The following EHD2 variants were observed in gnomAD, a reference collection of about 807,000 sequenced individuals.
The protein encoded by EHD2 is EH domain-containing protein 2.
In EHD2, 27 loss-of-function variants were observed where a neutral mutation model predicts 41.0. The observed-to-expected ratio is 0.66, with a 90% CI of 0.49 to 0.91. The LOEUF (loss-of-function observed/expected upper bound fraction) is 0.91. Ranked by LOEUF, EHD2 falls within the 40% of genes least tolerant of loss-of-function variation. The probability of loss-of-function intolerance (pLI) is 0.00; values close to 1 mark genes in which losing one functional copy is unlikely to be tolerated. For synonymous variants in EHD2, 342 were observed against 341.0 expected (o/e 1.00, Z -0.03); for missense variants, 673 against 773.9 (o/e 0.87, Z 1.55).
chr19:47,743,035 G>C lies in EHD2; in HGVS notation c.*1603G>C, dbSNP rs1460350199. ...GACGCACCCTCCAGGATGCTCGCTG[G>C]GATTCCCACGCCCACCACTGTCCCC... On this transcript the variant is annotated 3_prime_UTR_variant, in exon 6 of 6. Coordinates refer to ENST00000263277, the MANE Select transcript of EHD2 (RefSeq NM_014601.4). The C allele has an allele frequency of 6.6e-6, 1 of 152,536 alleles. No individual in the cohort carries two copies. Among genetic ancestry groups the C allele is most frequent in the Non-Finnish European group, 1.5e-5 (1 of 68,156 alleles). The allele number at this position is 152,536 out of a possible 1,614,324, so 9.4% of individuals were successfully genotyped here. A position where few individuals can be genotyped will look rare whatever the true frequency, so the allele number is the denominator to read the frequency against.
chr19:47,731,314 A>ACAT (rs1160770476), intron 4 of EHD2: 1 of 113,972 alleles, frequency 8.8e-6, no homozygotes, highest in East Asian at 2.2e-4. Flanking sequence ...ATATATATAT[A>ACAT]ATTTTTTTTT....
intron 3 of EHD2, among the ~76,000 whole-genome samples, chr19:47,721,114 C>T (rs372980009): frequency 1.3e-4 from 20 of 149,518 alleles, no homozygotes; most frequent in African/African-American, 3.9e-4. Context: ...TGTCTGGGAG[C>T]CTGCATCTTG....
chr19:47,734,613 C>T (rs1482813759), intron 4 of EHD2, among the ~76,000 whole-genome samples: 3 of 151,084 alleles, frequency 2.0e-5, no homozygotes, highest in South Asian at 2.1e-4. Context: ...TTAGTGGTGG[C>T]GGGCACCTGT....
At chr19:47,715,400 T>C (rs1973614897) in intron 1 of EHD2, among the ~76,000 whole-genome samples, 1 of 152,092 alleles carries the variant, frequency 6.6e-6, no homozygotes, top group Admixed American at 6.6e-5. Flanking sequence ...TCTTGCCTGC[T>C]CTTCATGGAG....
At position 47,716,692 on chromosome 19, in the gene EHD2, A is replaced by G. The variant is rs753491573; in HGVS notation, c.80A>G (p.Glu27Gly). ...CGCACGGTGACCTCGGCCCTCAAGG[A>G]GCTGTACCGCACGAAGCTGCTGCCG... ...AIRTVTSALK[E>G]LYRTKLLPLE... Residue 27 changes from glutamate to glycine, a missense_variant, in exon 2 of 6, where the codon GAG becomes GGG. Physicochemically the swap from Glu to Gly is moderately conservative, Grantham distance 98. Coordinates refer to ENST00000263277, the MANE Select transcript of EHD2 (RefSeq NM_014601.4). 12 of 1,611,568 alleles carry G rather than the reference A, an allele frequency of 7.4e-6. No homozygotes were observed. Among genetic ancestry groups the G allele is most frequent in the Non-Finnish European group, 1.0e-5 (12 of 1,179,022 alleles).
chr19:47,721,163 G>GT (rs1491075769), intron 3 of EHD2, among the ~76,000 whole-genome samples: 25 of 42,918 alleles, frequency 5.8e-4, no homozygotes, highest in African/African-American at 5.7e-3. Context: ...GTGCTACTGG[G>GT]GGTGTGTGTG....
At chr19:47,718,417 C>G (rs1021734599) in intron 2 of EHD2, 92 bp from the exon 3 acceptor site, 1 of 1,101,100 alleles carries the variant, frequency 9.1e-7, no homozygotes, top group Non-Finnish European at 1.3e-6. Context: ...GGATGCTTTG[C>G]CATGCGGTCC....
At chr19:47,736,288 G>T in intron 4 of EHD2, 81 bp from the exon 5 acceptor site, 3 of 1,345,468 alleles carry the variant, frequency 2.2e-6, no homozygotes, top group East Asian at 2.5e-5. Flanking sequence ...CAGAATCTCT[G>T]GGAGTGGGGC....
intron 5 of EHD2, among the ~76,000 whole-genome samples, chr19:47,738,167 C>G (rs1966945264): frequency 6.6e-6 from 1 of 151,982 alleles, no homozygotes; most frequent in African/African-American, 2.4e-5. Context: ...TAGGCAGGAG[C>G]CACCATGCCT....
chr19:47,713,816 G>A (rs1347846171), intron 1 of EHD2, among the ~76,000 whole-genome samples: 1 of 151,214 alleles, frequency 6.6e-6, no homozygotes, highest in African/African-American at 2.4e-5. Flanking sequence ...CTATCCCCTG[G>A]GCTAGAAGAG....
intron 3 of EHD2, among the ~76,000 whole-genome samples, chr19:47,722,940 G>T (rs1454128706): frequency 1.3e-5 from 2 of 152,216 alleles, no homozygotes; most frequent in Non-Finnish European, 2.9e-5. Context: ...ACCTCCTGGG[G>T]TTGTTGTGAA....
At position 47,729,950 on chromosome 19, in the gene EHD2, A is replaced by C. The variant is rs553270115; in HGVS notation, c.915+3726A>C. 6.0e-5 allele frequency among the ~76,000 whole-genome samples: 9 copies of C among 149,752 alleles called. No individual in the cohort carries two copies. In the South Asian group the frequency reaches 1.5e-3, roughly 25 times the overall value. Reference sequence around the variant, plus strand: ...TCGCTCTGCCTCCTCCTGTCTCTCCATCTCTCCCCCGCTCCGCCGCCGCCC... The same window carrying C: ...TCGCTCTGCCTCCTCCTGTCTCTCCCTCTCTCCCCCGCTCCGCCGCCGCCC... On this transcript the variant is annotated intron_variant, in intron 4 of 5. Coordinates refer to ENST00000263277, the MANE Select transcript of EHD2 (RefSeq NM_014601.4).
rs1438473723 is a variant in EHD2 at position 47,719,899 on chromosome 19, G to A, written c.502+1293G>A. Among the ~76,000 whole-genome samples, 2 of 151,754 alleles carry A rather than the reference G, an allele frequency of 1.3e-5. No homozygotes were observed. The highest frequency in any genetic ancestry group is 2.9e-5 in the Non-Finnish European group (2 of 67,926). ...GAACGGGGTCTCCCTCCCTGGCCTT[G>A]AGGATAGAGGAAGAGGAGGAGAGAG... On this transcript the variant is annotated intron_variant, in intron 3 of 5. Transcript: ENST00000263277. This position sits in a 1 kb window ranked among gnomAD's most constrained non-coding sequence, Gnocchi z 4.1.
At chr19:47,720,670 T>C (rs114360736) in intron 3 of EHD2, among the ~76,000 whole-genome samples, 3,483 of 152,232 alleles carry the variant, frequency 0.023, 143 homozygotes, top group African/African-American at 0.08. Context: ...TCTGACATTG[T>C]GTGCCTGTGT....
chr19:47,733,540 G>A (rs896641105), intron 4 of EHD2, among the ~76,000 whole-genome samples: 3 of 151,398 alleles, frequency 2.0e-5, no homozygotes, highest in Non-Finnish European at 4.4e-5. Flanking sequence ...GGTGGCGGGC[G>A]CCTGTAGTCC....
At position 47,719,964 on chromosome 19, in the gene EHD2, G is replaced by GTC. The variant is rs1373222627; in HGVS notation, c.502+1359_502+1360insCT. ...TGTGTATATGTGTGTGTGTGTGTGTGTGTGTGACTTTGTGTATATCTTGGG... is the reference window on the plus strand; with the variant it reads ...TGTGTATATGTGTGTGTGTGTGTGTGTCTGTGTGACTTTGTGTATATCTTGGG... On this transcript the variant is annotated intron_variant, in intron 3 of 5. Coordinates refer to ENST00000263277, the MANE Select transcript of EHD2 (RefSeq NM_014601.4). This position sits in a 1 kb window ranked among gnomAD's most constrained non-coding sequence, Gnocchi z 4.1. Among the ~76,000 whole-genome samples the GTC allele has an allele frequency of 8.3e-6, 1 of 120,180 alleles. No individual in the cohort carries two copies. The highest frequency in any genetic ancestry group is 1.7e-5 in the Non-Finnish European group (1 of 59,358). The allele number at this position is 120,180 out of a possible 152,430, so 78.8% of individuals were successfully genotyped here.
intron 5 of EHD2, among the ~76,000 whole-genome samples, chr19:47,736,841 T>C (rs1251108905): frequency 6.6e-6 from 1 of 152,204 alleles, no homozygotes. Flanking sequence ...TTCTGTCTTA[T>C]TTCTCTTCCA....
At chr19:47,715,525 G>A (rs1973616578) in intron 1 of EHD2, among the ~76,000 whole-genome samples, 1 of 152,118 alleles carries the variant, frequency 6.6e-6, no homozygotes, top group Non-Finnish European at 1.5e-5. Context: ...TGGGTGGGTA[G>A]GGGATGATCT....
At chr19:47,724,604 A>C (rs548599649) in intron 3 of EHD2, among the ~76,000 whole-genome samples, 4 of 152,214 alleles carry the variant, frequency 2.6e-5, no homozygotes, top group African/African-American at 7.2e-5. Flanking sequence ...TGAGGAAATG[A>C]ATGGTGAAAG....
Sources: allele counts gnomAD v4.1 joint callset (sites outside exome capture counted in the v4.1 genomes callset), GRCh38; gene constraint gnomAD v4.1.1; non-coding constraint Gnocchi (gnomAD v3.1); transcripts MANE v1.5; gene names NCBI Gene and HGNC (gene_info 2026-07-23, HGNC 2026-07-21).